The following ZNF407 variants were observed in gnomAD, a reference collection of about 807,000 sequenced individuals.
ZNF407 encodes zinc finger protein 407.
ZNF407 carries 17 observed loss-of-function variants against 131.2 expected under a neutral mutation model. The observed-to-expected ratio is 0.13, with a 90% confidence interval of 0.09 to 0.19. The LOEUF (loss-of-function observed/expected upper bound fraction) is 0.19. ZNF407 is among the 10% of genes least tolerant of loss of function. The pLI is 1.00. For missense variants in ZNF407, 2,681 were observed against 2,830.6 expected, an observed-to-expected ratio of 0.95 and a Z score of 1.20; for synonymous variants, 1,156 against 1,062.0, an observed-to-expected ratio of 1.09 and a Z score of -1.72.
chr18:74,610,073 GCTT>G (rs989583064), intron 1 of ZNF407, among the ~76,000 whole-genome samples: 20 of 152,292 alleles, frequency 1.3e-4, no homozygotes, highest in African/African-American at 4.3e-4. Flanking sequence ...AGGCTTGTAA[GCTT>G]CTTGGAGGCA....
rs762768930 is a variant in ZNF407 at position 74,633,210 on chromosome 18, G to A, written c.2191G>A (p.Asp731Asn). 16 of 1,613,788 alleles carry A rather than the reference G, an allele frequency of 9.9e-6. No homozygotes were observed. Among genetic ancestry groups the A allele is most frequent in the Non-Finnish European group, 1.4e-5 (16 of 1,179,832 alleles). Residue 731 changes from aspartate to asparagine, a missense_variant, in exon 2 of 9, where the codon GAC becomes AAC. Physicochemically the swap from Asp to Asn is conservative, Grantham distance 23. Transcript: ENST00000299687. Reference protein sequence around the residue: ...TRHIKLRHGQDYHFLCKACNL... With the variant: ...TRHIKLRHGQNYHFLCKACNL... ...ACATATAAAGCTTCGGCATGGTCAA[G>A]ACTATCATTTTCTTTGTAAAGCTTG...
In ZNF407 at chr18:74,970,193, C is replaced by T. The variant is rs569829202; in HGVS notation, c.5428+49501C>T. Among the ~76,000 whole-genome samples, 656 of 151,902 alleles carry T rather than the reference C, an allele frequency of 4.3e-3. 1 individual carries two copies. Among genetic ancestry groups the T allele is most frequent in the Non-Finnish European group, 7.8e-3 (530 of 67,936 alleles). ...CCCCCCTCCAGTCCCTCCCACAACA[C>T]GTGGGAATTCTGGGAGATACAGTTC... On this transcript the variant is annotated intron_variant, in intron 8 of 8. Transcript: ENST00000299687.
At chr18:74,615,937 C>T (rs989966282) in intron 1 of ZNF407, among the ~76,000 whole-genome samples, 7 of 151,928 alleles carry the variant, frequency 4.6e-5, no homozygotes, top group African/African-American at 1.7e-4. Context: ...GATCTCGGCT[C>T]ACTGCAGCTT....
intron 4 of ZNF407, among the ~76,000 whole-genome samples, chr18:74,862,416 G>C (rs1332961159): frequency 6.6e-6 from 1 of 152,094 alleles, no homozygotes; most frequent in Non-Finnish European, 1.5e-5. Flanking sequence ...ACAGTGATAG[G>C]AGAGAAATAA....
intron 3 of ZNF407, among the ~76,000 whole-genome samples, chr18:74,765,922 C>T (rs908378200): frequency 2.0e-5 from 3 of 151,826 alleles, no homozygotes; most frequent in African/African-American, 4.8e-5. Flanking sequence ...AAGGATAAAA[C>T]TGGTTCTGAT....
chr18:74,963,500 G>A (rs1056365310), intron 8 of ZNF407, among the ~76,000 whole-genome samples: 6 of 152,040 alleles, frequency 3.9e-5, no homozygotes, highest in Admixed American at 1.3e-4. Flanking sequence ...AGAACTACTC[G>A]ATTTTTTTTT....
intron 8 of ZNF407, among the ~76,000 whole-genome samples, chr18:74,939,298 A>G (rs1568276653): frequency 6.6e-6 from 1 of 152,170 alleles, no homozygotes; most frequent in African/African-American, 2.4e-5. Flanking sequence ...ATTGATCATT[A>G]TTTTAGTGAA....
chr18:74,734,103 C>G (rs1010062811), intron 3 of ZNF407, among the ~76,000 whole-genome samples: 1 of 152,140 alleles, frequency 6.6e-6, no homozygotes, highest in Non-Finnish European at 1.5e-5. Flanking sequence ...CTGTTTGGCT[C>G]TGTGTCAGTG....
At chr18:74,639,334 C>T (rs1396452568) in intron 2 of ZNF407, among the ~76,000 whole-genome samples, 24 of 152,154 alleles carry the variant, frequency 1.6e-4, no homozygotes, top group Admixed American at 1.3e-3. Flanking sequence ...TTCTTTGTTT[C>T]GAGTCCTGAT....
intron 3 of ZNF407, among the ~76,000 whole-genome samples, chr18:74,773,258 G>C (rs1032344481): frequency 1.4e-4 from 22 of 152,096 alleles, no homozygotes; most frequent in African/African-American, 5.3e-4. Flanking sequence ...GAAGTGGTTT[G>C]GAACTATCAG....
At chr18:74,854,480 A>G (rs1021875123) in intron 4 of ZNF407, among the ~76,000 whole-genome samples, 8 of 152,308 alleles carry the variant, frequency 5.3e-5, no homozygotes, top group South Asian at 4.1e-4. Context: ...TTTTGAATCT[A>G]TAATATAAAA....
intron 4 of ZNF407, among the ~76,000 whole-genome samples, chr18:74,819,749 A>G (rs977267674): frequency 1.3e-5 from 2 of 152,170 alleles, no homozygotes; most frequent in African/African-American, 4.8e-5. Context: ...CAAAGGCACC[A>G]TGCAGGTTTT....
chr18:74,878,495 A>T (rs1446074285), intron 5 of ZNF407, among the ~76,000 whole-genome samples: 1 of 152,168 alleles, frequency 6.6e-6, no homozygotes, highest in Non-Finnish European at 1.5e-5. Context: ...ACAGCAGATG[A>T]AAAGCCAGTG....
intron 8 of ZNF407, among the ~76,000 whole-genome samples, chr18:75,026,091 G>A (rs1427150124): frequency 6.6e-6 from 1 of 152,100 alleles, no homozygotes; most frequent in African/African-American, 2.4e-5. Flanking sequence ...GAGCACTTCT[G>A]TCTTGCCTGA....
At chr18:74,667,520 C>T (rs1015098299) in intron 3 of ZNF407, among the ~76,000 whole-genome samples, 3 of 152,172 alleles carry the variant, frequency 2.0e-5, no homozygotes, top group Admixed American at 1.3e-4. Context: ...GCGTACTCGT[C>T]TCTTATATGT....
chr18:74,798,476 T>C (rs1969962897), intron 4 of ZNF407, among the ~76,000 whole-genome samples: 2 of 152,150 alleles, frequency 1.3e-5, no homozygotes, highest in Non-Finnish European at 2.9e-5. Flanking sequence ...ATTTATGCAA[T>C]GATGAGGGAT....
chr18:75,022,497 G>A (rs1198158875), intron 8 of ZNF407, among the ~76,000 whole-genome samples: 2 of 152,098 alleles, frequency 1.3e-5, no homozygotes, highest in Non-Finnish European at 2.9e-5. Flanking sequence ...CATGGCCTAA[G>A]GCAATAGCCT....
intron 1 of ZNF407, among the ~76,000 whole-genome samples, chr18:74,616,805 AT>A (rs1983309195): frequency 6.9e-6 from 1 of 145,930 alleles, no homozygotes; most frequent in Non-Finnish European, 1.5e-5. Flanking sequence ...ATACACATCC[AT>A]ATCCACACAC....
chr18:74,807,148 C>T (rs1970121968), intron 4 of ZNF407, among the ~76,000 whole-genome samples: 1 of 152,156 alleles, frequency 6.6e-6, no homozygotes. Context: ...GCAAATTAGC[C>T]TGCATTATTT....
Sources: gnomAD v4.1 joint callset for allele counts (sites outside exome capture counted in the v4.1 genomes callset) on GRCh38, gnomAD v4.1.1 for gene constraint, MANE v1.5 for transcripts, NCBI Gene and HGNC (gene_info 2026-07-23, HGNC 2026-07-21) for gene names.